SDK1: variants seen among roughly 807,000 people sequenced by gnomAD.
SDK1 encodes protein sidekick-1.
SDK1 carries 157 observed loss-of-function variants against 245.5 expected under a neutral mutation model. The ratio of observed to expected loss-of-function variants is 0.64; its 90% CI spans 0.56 to 0.73. The LOEUF is 0.73. Among genes scored for constraint, SDK1 ranks in the 30% least tolerant of loss-of-function variants. SDK1 has a pLI of 0.00. For synonymous variants in SDK1, 1,647 were observed against 1,278.5 expected (o/e 1.29, Z -6.15); for missense variants, 3,583 against 3,002.3 (o/e 1.19, Z -4.52).
intron 30 of SDK1, among the ~76,000 whole-genome samples, chr7:4,155,590 C>A (rs1251398933): frequency 2.0e-5 from 3 of 152,216 alleles, no homozygotes; most frequent in Non-Finnish European, 4.4e-5. Context: ...AGTGAGAAAA[C>A]AAATACATCA....
chr7:4,248,642 A>G (rs1441746367), intron 44 of SDK1, among the ~76,000 whole-genome samples: 3 of 152,218 alleles, frequency 2.0e-5, no homozygotes, highest in Admixed American at 1.3e-4. Context: ...ACATGTACAC[A>G]TACCTGTGCA....
At chr7:4,010,804 G>A (rs1007652565) in intron 14 of SDK1, among the ~76,000 whole-genome samples, 162 bp from the exon 15 acceptor site, 1 of 152,216 alleles carries the variant, frequency 6.6e-6, no homozygotes, top group Non-Finnish European at 1.5e-5. Context: ...CACATGGCCA[G>A]AGCCTCAGTT....
intron 44 of SDK1, among the ~76,000 whole-genome samples, chr7:4,246,600 C>T (rs1482595107): frequency 1.3e-5 from 2 of 152,160 alleles, no homozygotes; most frequent in African/African-American, 4.8e-5. Context: ...GCCTCCCACC[C>T]TGCCCAGGAA....
At chr7:3,344,772 T>C (rs1017154157) in intron 1 of SDK1, among the ~76,000 whole-genome samples, 1 of 152,134 alleles carries the variant, frequency 6.6e-6, no homozygotes, top group African/African-American at 2.4e-5. Flanking sequence ...ACTGCAGGAG[T>C]GTCCCTGGTA....
intron 1 of SDK1, among the ~76,000 whole-genome samples, chr7:3,615,858 T>A (rs1781751443): frequency 7.0e-6 from 1 of 142,966 alleles, no homozygotes; most frequent in African/African-American, 2.5e-5. Flanking sequence ...TCACACAACC[T>A]CTTCAAAGGC....
At chr7:3,712,284 G>A (rs1387687592) in intron 4 of SDK1, among the ~76,000 whole-genome samples, 1 of 152,144 alleles carries the variant, frequency 6.6e-6, no homozygotes, top group Non-Finnish European at 1.5e-5. Context: ...ATTGTGAACT[G>A]TGCGTGTGAG....
rs147404205 is a variant in SDK1 at position 4,145,825 on chromosome 7, G to T, written c.4332G>T (p.Pro1444=). The change falls in exon 29 of 45, where the codon CCG becomes CCT. Residue 1444 remains proline (P), a synonymous_variant. Transcript: ENST00000404826. ...VRQFTATDLA[P]ESAYIFRLSA... is the part of the protein sequence containing the mutation. ...AGTTCACAGCCACCGACCTGGCCCC[G>T]GAGTCCGCATACATCTTCAGGCTGT... The T allele has an allele frequency of 6.4e-5, 104 of 1,613,808 alleles. 1 individual carries two copies. In the South Asian group the frequency reaches 1.1e-3, roughly 17 times the overall value.
intron 1 of SDK1, among the ~76,000 whole-genome samples, chr7:3,566,463 G>C (rs1779922319): frequency 6.6e-6 from 1 of 151,964 alleles, no homozygotes. Context: ...CTGACCTCGT[G>C]ATCTGCCTGC....
chr7:3,755,693 C>G (rs1779902846), intron 4 of SDK1, among the ~76,000 whole-genome samples: 1 of 152,102 alleles, frequency 6.6e-6, no homozygotes, highest in African/African-American at 2.4e-5. Flanking sequence ...TCACCCCAAA[C>G]AAACGCTGAT....
intron 8 of SDK1, among the ~76,000 whole-genome samples, chr7:3,959,419 G>C (rs1781503981): frequency 6.6e-6 from 1 of 152,150 alleles, no homozygotes; most frequent in Non-Finnish European, 1.5e-5. Flanking sequence ...TCTAGAAAGG[G>C]AGATGGGTGT....
chr7:3,475,624 G>C (rs964108171), intron 1 of SDK1, among the ~76,000 whole-genome samples: 8 of 152,186 alleles, frequency 5.3e-5, no homozygotes, highest in African/African-American at 1.7e-4. Context: ...AAAATCAAAT[G>C]ACATGATTAT....
At position 3,644,486 on chromosome 7, in the gene SDK1, C is replaced by G. The variant is rs80348080; in HGVS notation, c.713+2381C>G. On this transcript the variant is annotated intron_variant, in intron 4 of 44. Transcript: ENST00000404826. ...AGGCTTTAAAAAGGCAGGTAAGGGC[C>G]ATTTGCGGTGGCTTGTTCCTGTAAT... 8.4e-3 allele frequency among the ~76,000 whole-genome samples: 1,270 copies of G among 151,542 alleles called. 25 individuals are homozygous for G. The highest frequency in any genetic ancestry group is 0.029 in the African/African-American group (1,204 of 41,318).
Position 4,162,363 on chromosome 7 carries a change from G to A in SDK1, c.4800+507G>A, listed in dbSNP as rs1432977204. 2.3e-3 allele frequency among the ~76,000 whole-genome samples: 270 copies of A among 116,312 alleles called. 1 individual carries two copies. Among genetic ancestry groups the A allele is most frequent in the African/African-American group, 7.7e-3 (260 of 33,750 alleles). 76.3% of individuals were successfully genotyped at this position (116,312 alleles called of 152,430 possible). A position where few individuals can be genotyped will look rare whatever the true frequency, so the allele number is the denominator to read the frequency against. Reference sequence around the variant, plus strand: ...GGTGGTGGTGGTGGTGGTGGTTGTTGTTGTTGTTATTATTATTATTATTAT... The same window carrying A: ...GGTGGTGGTGGTGGTGGTGGTTGTTATTGTTGTTATTATTATTATTATTAT... On this transcript the variant is annotated intron_variant, in intron 32 of 44. Coordinates refer to ENST00000404826, the MANE Select transcript of SDK1 (RefSeq NM_152744.4).
intron 1 of SDK1, among the ~76,000 whole-genome samples, chr7:3,399,176 C>T (rs1337990145): frequency 6.6e-6 from 1 of 152,028 alleles, no homozygotes; most frequent in Non-Finnish European, 1.5e-5. Context: ...CCTCAGACCA[C>T]ATAATCTCAA....
At chr7:3,760,412 G>C (rs1337002662) in intron 4 of SDK1, among the ~76,000 whole-genome samples, 1 of 152,132 alleles carries the variant, frequency 6.6e-6, no homozygotes, top group East Asian at 1.9e-4. Flanking sequence ...ATTCTTGTGT[G>C]ACTGTCATTA....
intron 1 of SDK1, among the ~76,000 whole-genome samples, chr7:3,603,251 G>T (rs1781307977): frequency 7.0e-6 from 1 of 143,010 alleles, no homozygotes; most frequent in African/African-American, 2.6e-5. Flanking sequence ...GGATGGCATT[G>T]AATCTGTAAA....
chr7:3,844,645 G>A (rs1780233432), intron 5 of SDK1, among the ~76,000 whole-genome samples: 1 of 152,148 alleles, frequency 6.6e-6, no homozygotes, highest in South Asian at 2.1e-4. Flanking sequence ...TTTCAACAAG[G>A]AAGAGTTTAC....
intron 14 of SDK1, among the ~76,000 whole-genome samples, chr7:4,006,714 GAATA>G (rs1785511910): frequency 6.6e-6 from 1 of 152,160 alleles, no homozygotes; most frequent in South Asian, 2.1e-4. Context: ...AGAGGAAAAA[GAATA>G]AAGAAAGAAT....
intron 2 of SDK1, among the ~76,000 whole-genome samples, chr7:3,632,006 C>A (rs1396110461): frequency 6.6e-6 from 1 of 151,864 alleles, no homozygotes; most frequent in South Asian, 2.1e-4. Context: ...TGCCTTCATA[C>A]TTTAATCCTT....
Sources: gnomAD v4.1 joint callset for allele counts (sites outside exome capture counted in the v4.1 genomes callset) on GRCh38, gnomAD v4.1.1 for gene constraint, MANE v1.5 for transcripts, NCBI Gene and HGNC (gene_info 2026-07-23, HGNC 2026-07-21) for gene names.